Variants in KIF26B observed in about 807,000 individuals in gnomAD.
The protein encoded by KIF26B is kinesin-like protein KIF26B.
In KIF26B, 63 loss-of-function variants were observed where a neutral mutation model predicts 151.2. That is an observed-to-expected ratio of 0.42 (90% confidence interval 0.34 to 0.51). KIF26B has a LOEUF of 0.51. Among genes scored for constraint, KIF26B ranks in the 20% least tolerant of loss-of-function variants. The probability of loss-of-function intolerance (pLI) is 0.07; values close to 1 mark genes in which losing one functional copy is unlikely to be tolerated. For synonymous variants in KIF26B, 1,357 were observed against 1,262.1 expected, an observed-to-expected ratio of 1.08 and a Z score of -1.59; for missense variants, 2,813 against 2,913.6, an observed-to-expected ratio of 0.97 and a Z score of 0.79.
intron 5 of KIF26B, among the ~76,000 whole-genome samples, chr1:245,576,890 T>TA (rs1558221618): frequency 6.6e-6 from 1 of 152,176 alleles, no homozygotes; most frequent in Non-Finnish European, 1.5e-5. Context: ...ACCTTGTTGA[T>TA]AAAATGCCAT....
chr1:245,224,105 A>G (rs1227537145), intron 2 of KIF26B, among the ~76,000 whole-genome samples: 3 of 152,062 alleles, frequency 2.0e-5, no homozygotes, highest in African/African-American at 4.8e-5. Flanking sequence ...ACCAATAGGG[A>G]CAAACCCTGT....
intron 2 of KIF26B, among the ~76,000 whole-genome samples, chr1:245,263,965 T>A (rs570513982): frequency 1.3e-5 from 2 of 152,242 alleles, no homozygotes; most frequent in South Asian, 4.1e-4. Flanking sequence ...TTTTCCAGTA[T>A]GTAGATGATT....
At chr1:245,515,003 G>A (rs924438338) in intron 4 of KIF26B, among the ~76,000 whole-genome samples, 9 of 152,180 alleles carry the variant, frequency 5.9e-5, no homozygotes, top group Non-Finnish European at 4.4e-5. Flanking sequence ...AATGACAGGG[G>A]ACCTGGGAAG....
chr1:245,253,135 G>A lies in KIF26B; in HGVS notation c.465+96452G>A, dbSNP rs148802790. Among the ~76,000 whole-genome samples, 120 of 150,152 alleles carry A rather than the reference G, an allele frequency of 8.0e-4. 2 individuals carry two copies. The Middle Eastern group carries it at 0.014, about 17-fold the overall frequency. On this transcript the variant is annotated intron_variant, in intron 2 of 14. Coordinates refer to ENST00000407071, the MANE Select transcript of KIF26B (RefSeq NM_018012.4). ...AGCAGTTCTCCTGTCTCAGCCTCCC[G>A]AGTAGCTGGGACTACAGGCGCCCAC...
chr1:245,343,742 A>T (rs1382887899), intron 2 of KIF26B, among the ~76,000 whole-genome samples: 1 of 152,200 alleles, frequency 6.6e-6, no homozygotes, highest in African/African-American at 2.4e-5. Flanking sequence ...TGGGCGTGAG[A>T]TGTTGACTTA....
At chr1:245,324,634 C>T (rs1671950057) in intron 2 of KIF26B, among the ~76,000 whole-genome samples, 1 of 152,000 alleles carries the variant, frequency 6.6e-6, no homozygotes, top group Non-Finnish European at 1.5e-5. Context: ...ATCTTCCTTC[C>T]CTTGAAATCC....
chr1:245,449,009 C>G (rs1481652738), intron 4 of KIF26B, among the ~76,000 whole-genome samples: 2 of 152,144 alleles, frequency 1.3e-5, no homozygotes, highest in Non-Finnish European at 2.9e-5. Context: ...ACCTCTAATG[C>G]CTGAAACAAG....
At chr1:245,612,105 T>TGTGTGAGAGAGA in intron 9 of KIF26B, 129 bp downstream of exon 9, 2 of 308,242 alleles carry the variant, frequency 6.5e-6, no homozygotes, top group South Asian at 6.0e-5. Flanking sequence ...TGTGTGTGTG[T>TGTGTGAGAGAGA]GAGAGAGAGA....
At chr1:245,285,788 G>A (rs550911882) in intron 2 of KIF26B, among the ~76,000 whole-genome samples, 12 of 151,876 alleles carry the variant, frequency 7.9e-5, no homozygotes, top group East Asian at 1.9e-4. Context: ...TCTGCTCCAC[G>A]TGCAAGCAAC....
At chr1:245,253,800 C>CTTTTTTTTTTTTT (rs5782330) in intron 2 of KIF26B, among the ~76,000 whole-genome samples, 8 of 72,150 alleles carry the variant, frequency 1.1e-4, no homozygotes, top group African/African-American at 4.3e-4. Flanking sequence ...TGAAGTCCTG[C>CTTTTTTTTTTTTT]TTTTTTTTTT....
intron 4 of KIF26B, 24 bp downstream of exon 4, chr1:245,419,769 G>T: frequency 6.3e-7 from 1 of 1,579,378 alleles, no homozygotes; most frequent in Middle Eastern, 1.9e-4. Context: ...TCAGATCCTT[G>T]GTTCTTTCCG....
At chr1:245,436,794 GAAAACAACTT>G (rs1444498009) in intron 4 of KIF26B, among the ~76,000 whole-genome samples, 1 of 151,848 alleles carries the variant, frequency 6.6e-6, no homozygotes, top group African/African-American at 2.4e-5. Context: ...GGTTTAACAT[GAAAACAACTT>G]GTATTTAGTG....
intron 3 of KIF26B, among the ~76,000 whole-genome samples, chr1:245,404,273 A>G (rs1490401640): frequency 6.6e-6 from 1 of 151,870 alleles, no homozygotes; most frequent in African/African-American, 2.4e-5. Context: ...AGCTTTTCAA[A>G]TGTGTATGAA....
Position 245,687,166 on chromosome 1 carries a change from C to G in KIF26B, c.4183C>G (p.Pro1395Ala), listed in dbSNP as rs766865253. Residue 1395 changes from proline to alanine, a missense_variant, in exon 12 of 15, where the codon CCC becomes GCC. Transcript: ENST00000407071. The surrounding 1 kb of genome is among the most constrained non-coding windows in gnomAD (Gnocchi z 4.9). ...IPMKTNITVY[P>A]CIAMSPRNIQ... is the part of the protein sequence containing the mutation. ...CATGAAGACCAATATCACAGTTTAC[C>G]CCTGCATTGCCATGAGCCCCCGGAA... 2.5e-6 allele frequency: 4 copies of G among 1,613,026 alleles called. No individual in the cohort carries two copies. The Admixed American group carries it at 6.7e-5, about 27-fold the overall frequency.
At chr1:245,539,461 G>A (rs896678215) in intron 4 of KIF26B, among the ~76,000 whole-genome samples, 47 of 152,148 alleles carry the variant, frequency 3.1e-4, no homozygotes, top group African/African-American at 1.1e-3. Context: ...ATAAAGTCAG[G>A]GCGGTCCTTT....
chr1:245,426,942 T>C (rs900837311), intron 4 of KIF26B, among the ~76,000 whole-genome samples: 14 of 152,258 alleles, frequency 9.2e-5, no homozygotes, highest in African/African-American at 3.4e-4. Flanking sequence ...GAAGGCTTTC[T>C]TTAGTCCCTG....
intron 10 of KIF26B, among the ~76,000 whole-genome samples, chr1:245,664,927 T>C (rs2044197551): frequency 6.6e-6 from 1 of 152,200 alleles, no homozygotes; most frequent in Non-Finnish European, 1.5e-5. Context: ...AAACCATCTG[T>C]TTTTGATAAC....
rs2044815157 is a variant in KIF26B, at chr1:245,704,482, T to A, written c.*1876T>A. On this transcript the variant is annotated 3_prime_UTR_variant, in exon 15 of 15. Coordinates refer to ENST00000407071, the MANE Select transcript of KIF26B (RefSeq NM_018012.4). ...GTGCTTTGGAAGCCAGCTCCCTGGG[T>A]CACGAGTCTGGCTTTGCACTTTCCA... The A allele has an allele frequency of 6.6e-6, 1 of 152,244 alleles. No individual in the cohort carries two copies. The highest frequency in any genetic ancestry group is 1.5e-5 in the Non-Finnish European group (1 of 68,060). 9.4% of individuals were successfully genotyped at this position (152,244 alleles called of 1,614,324 possible). A position where few individuals can be genotyped will look rare whatever the true frequency, so the allele number is the denominator to read the frequency against.
At chr1:245,562,282 T>G (rs1406730852) in intron 5 of KIF26B, among the ~76,000 whole-genome samples, 1 of 152,176 alleles carries the variant, frequency 6.6e-6, no homozygotes, top group Non-Finnish European at 1.5e-5. Context: ...ATACTCAGTA[T>G]GACAGGCAGA....
Sources: gnomAD v4.1 joint callset for allele counts (sites outside exome capture counted in the v4.1 genomes callset) on GRCh38, gnomAD v4.1.1 for gene constraint, Gnocchi (gnomAD v3.1) non-coding constraint, MANE v1.5 for transcripts, NCBI Gene and HGNC (gene_info 2026-07-23, HGNC 2026-07-21) for gene names.